MALRD1: variants seen among roughly 807,000 people sequenced by gnomAD.
MALRD1 encodes MAM and LDL receptor class A domain containing 1, also known as MAM and LDL-receptor class A domain-containing protein 1.
In MALRD1, 247 loss-of-function variants were observed where a neutral mutation model predicts 242.1. The observed-to-expected ratio is 1.02, with a 90% CI of 0.92 to 1.13. The LOEUF (loss-of-function observed/expected upper bound fraction) is 1.13. Among genes scored for constraint, MALRD1 ranks in the 50% most tolerant of loss-of-function variants. The probability of loss-of-function intolerance (pLI) is 0.00; values close to 1 mark genes in which losing one functional copy is unlikely to be tolerated. For synonymous variants in MALRD1, 995 were observed against 866.6 expected (o/e 1.15, Z -2.60); for missense variants, 2,989 against 2,533.1 (o/e 1.18, Z -3.86).
chr10:19,055,671 C>G (rs113550431), intron 1 of MALRD1, among the ~76,000 whole-genome samples: 77 of 152,322 alleles, frequency 5.1e-4, no homozygotes, highest in African/African-American at 1.7e-3. Context: ...CCTCCTTTCT[C>G]CCTTGTGTGT....
intron 20 of MALRD1, 29 bp from the exon 21 acceptor site, chr10:19,282,990 C>T (rs991316256): frequency 6.8e-7 from 1 of 1,476,150 alleles, no homozygotes. Context: ...CTTACTAGCT[C>T]ACCTTTTCTT....
intron 26 of MALRD1, among the ~76,000 whole-genome samples, chr10:19,358,470 G>A (rs575138346): frequency 6.6e-5 from 10 of 152,224 alleles, no homozygotes; most frequent in African/African-American, 2.2e-4. Flanking sequence ...TATCTGACTG[G>A]TTGTGTGTGG....
chr10:19,215,664 A>G (rs1212014760), intron 18 of MALRD1, among the ~76,000 whole-genome samples: 1 of 152,082 alleles, frequency 6.6e-6, no homozygotes, highest in African/African-American at 2.4e-5. Context: ...TTTTCAAACT[A>G]ATGTCTACTC....
intron 1 of MALRD1, among the ~76,000 whole-genome samples, chr10:19,056,900 A>C (rs1488570744): frequency 6.6e-6 from 1 of 152,182 alleles, no homozygotes; most frequent in African/African-American, 2.4e-5. Context: ...TGAATTTTTC[A>C]AATGCTTTCT....
intron 13 of MALRD1, among the ~76,000 whole-genome samples, chr10:19,171,684 A>ATATGTGTC (rs1834967021): frequency 7.1e-6 from 1 of 140,252 alleles, no homozygotes; most frequent in Non-Finnish European, 1.6e-5. Context: ...ATACACACAT[A>ATATGTGTC]TATGTGTGTA....
At chr10:19,323,864 G>A (rs192092669) in intron 21 of MALRD1, 85 bp from the exon 22 acceptor site, 2 of 1,296,788 alleles carry the variant, frequency 1.5e-6, no homozygotes, top group East Asian at 2.6e-5. Context: ...ACCTGCCTCA[G>A]CCTCCCAAAT....
chr10:19,588,398 T>C lies in MALRD1; in HGVS notation c.5681-6796T>C, dbSNP rs1023627981. Among the ~76,000 whole-genome samples, 7 of 152,338 alleles carry C rather than the reference T, an allele frequency of 4.6e-5. No individual in the cohort carries two copies. In the East Asian group the frequency reaches 1.4e-3, roughly 29 times the overall value. ...ACTCTTTTGGGCATTAGGATGTCAG[T>C]GTATTCTCAAAGAGAGGTTAAAACC... is the stretch of plus-strand genomic sequence containing the variant. On this transcript the variant is annotated intron_variant, in intron 33 of 39. Coordinates refer to ENST00000454679, the MANE Select transcript of MALRD1 (RefSeq NM_001142308.3).
intron 2 of MALRD1, among the ~76,000 whole-genome samples, chr10:19,080,533 A>T (rs1257347192): frequency 6.6e-6 from 1 of 152,132 alleles, no homozygotes; most frequent in East Asian, 1.9e-4. Flanking sequence ...TTCCCTATTT[A>T]ACAAATGGTG....
At chr10:19,173,828 T>C (rs528018022) in intron 13 of MALRD1, among the ~76,000 whole-genome samples, 1 of 152,324 alleles carries the variant, frequency 6.6e-6, no homozygotes, top group East Asian at 1.9e-4. Context: ...TCCTAGTATC[T>C]TATACTTATT....
chr10:19,477,457 GAAATAAAT>G (rs60939811), intron 29 of MALRD1, among the ~76,000 whole-genome samples: 81 of 150,104 alleles, frequency 5.4e-4, no homozygotes, highest in African/African-American at 1.2e-3. Context: ...AGAGTAGTTG[GAAATAAAT>G]AAATAAATAA....
chr10:19,262,809 A>G (rs181195485), intron 19 of MALRD1, among the ~76,000 whole-genome samples: 51 of 152,146 alleles, frequency 3.4e-4, no homozygotes, highest in African/African-American at 1.2e-3. Context: ...TCATCCCTCG[A>G]CCTCTGCTAA....
At chr10:19,471,262 G>C (rs765470184) in intron 29 of MALRD1, among the ~76,000 whole-genome samples, 34 of 151,796 alleles carry the variant, frequency 2.2e-4, no homozygotes, top group Middle Eastern at 3.4e-3. Context: ...CTTATTTCTG[G>C]GCTCTTGATT....
chr10:19,087,312 C>T (rs904470732), intron 2 of MALRD1, among the ~76,000 whole-genome samples: 4 of 151,940 alleles, frequency 2.6e-5, no homozygotes, highest in East Asian at 1.9e-4. Flanking sequence ...AATTGGGTTG[C>T]GAACTGTAGC....
chr10:19,149,218 C>A (rs1833848921), intron 11 of MALRD1, among the ~76,000 whole-genome samples: 2 of 152,144 alleles, frequency 1.3e-5, no homozygotes, highest in East Asian at 1.9e-4. Context: ...CAGGTTCAAG[C>A]AATTCTCCTG....
chr10:19,171,724 A>G (rs1834973023), intron 13 of MALRD1, among the ~76,000 whole-genome samples: 1 of 116,546 alleles, frequency 8.6e-6, no homozygotes, highest in Admixed American at 8.6e-5. Context: ...ATATACACGT[A>G]TATACGTATA....
chr10:19,113,953 A>G (rs1198109766), intron 5 of MALRD1, among the ~76,000 whole-genome samples: 1 of 152,220 alleles, frequency 6.6e-6, no homozygotes, highest in East Asian at 1.9e-4. Context: ...CAAGCACTTA[A>G]TAAATACAGA....
intron 18 of MALRD1, among the ~76,000 whole-genome samples, chr10:19,220,756 T>G (rs1837523350): frequency 6.6e-6 from 1 of 152,026 alleles, no homozygotes. Context: ...CTGCTTTTCC[T>G]TGGTAGGACT....
intron 38 of MALRD1, among the ~76,000 whole-genome samples, chr10:19,718,317 G>T (rs57692592): frequency 0.065 from 9,938 of 152,246 alleles, 687 homozygotes; most frequent in African/African-American, 0.17. Flanking sequence ...TGCAAGCTGC[G>T]TAAGAAGCTT....
At chr10:19,427,822 C>T (rs967501799) in intron 28 of MALRD1, among the ~76,000 whole-genome samples, 1 of 152,090 alleles carries the variant, frequency 6.6e-6, no homozygotes, top group African/African-American at 2.4e-5. Flanking sequence ...AATCATTTTG[C>T]AGTTTACTGA....
Sources: allele counts gnomAD v4.1 joint callset (sites outside exome capture counted in the v4.1 genomes callset), GRCh38; gene constraint gnomAD v4.1.1; transcripts MANE v1.5; gene names NCBI Gene and HGNC (gene_info 2026-07-23, HGNC 2026-07-21).